The following PTPRA variants were observed in gnomAD, a reference collection of about 807,000 sequenced individuals.
PTPRA encodes the protein receptor-type tyrosine-protein phosphatase alpha.
A neutral mutation model predicts 104.8 loss-of-function variants in PTPRA; 25 were observed. The observed-to-expected ratio is 0.24, with a 90% CI of 0.17 to 0.33. The LOEUF (loss-of-function observed/expected upper bound fraction) is 0.33. Ranked by LOEUF, PTPRA falls within the 10% of genes least tolerant of loss-of-function variation. The pLI is 1.00. For synonymous variants in PTPRA, 323 were observed against 368.9 expected (o/e 0.88, Z 1.43); for missense variants, 765 against 1,015.3 (o/e 0.75, Z 3.35).
rs555195397 is a variant in PTPRA, at chr20:2,966,263, C to A, written c.415+1061C>A. ...ACACTGAGTTTGAATCCCAGCTCTT[C>A]CATAAACCAGCCATGTTTATGGCAT... On this transcript the variant is annotated intron_variant, in intron 5 of 23. Coordinates refer to ENST00000399903, the MANE Select transcript of PTPRA (RefSeq NM_001385305.1). 2.6e-5 allele frequency among the ~76,000 whole-genome samples: 4 copies of A among 152,218 alleles called. No homozygotes were observed. In the East Asian group the frequency reaches 7.7e-4, roughly 29 times the overall value.
Position 3,026,697 on chromosome 20 carries a change from C to T in PTPRA, c.1625C>T (p.Ser542Leu). Residue 542 changes from serine to leucine, a missense_variant, in exon 18 of 24, where the codon TCA (serine) becomes TTA (leucine). By Grantham distance (145) the Ser-to-Leu change is moderately radical. Coordinates refer to ENST00000399903, the MANE Select transcript of PTPRA (RefSeq NM_001385305.1). The part of the protein sequence containing the change: ...GLEEEFKKLT[S>L]IKIQNDKMRT... ...CCCTTCCCAATTCAGAAGTTAACATCAATCAAAATCCAGAATGACAAGATG... is the reference window on the plus strand; with the variant it reads ...CCCTTCCCAATTCAGAAGTTAACATTAATCAAAATCCAGAATGACAAGATG... The T allele has an allele frequency of 6.2e-7, 1 of 1,610,224 alleles. No homozygotes were observed. The highest frequency in any genetic ancestry group is 8.5e-7 in the Non-Finnish European group (1 of 1,176,546).
At chr20:3,032,543 G>A (rs187298716) in intron 20 of PTPRA, among the ~76,000 whole-genome samples, 23 of 152,024 alleles carry the variant, frequency 1.5e-4, no homozygotes, top group South Asian at 8.3e-4. Context: ...CAAGGTGGGC[G>A]GATCACAAAG....
intron 1 of PTPRA, among the ~76,000 whole-genome samples, chr20:2,917,148 G>C (rs2059932421): frequency 6.6e-6 from 1 of 151,546 alleles, no homozygotes; most frequent in African/African-American, 2.4e-5. Flanking sequence ...GTAGAGATGG[G>C]GTTTCAGCAT....
At chr20:3,032,366 A>G (rs2065502466) in intron 20 of PTPRA, among the ~76,000 whole-genome samples, 1 of 152,160 alleles carries the variant, frequency 6.6e-6, no homozygotes, top group Admixed American at 6.6e-5. Context: ...ATCAGCCTAT[A>G]CATGTTACAT....
intron 1 of PTPRA, among the ~76,000 whole-genome samples, chr20:2,890,009 G>C (rs779759675): frequency 2.0e-5 from 3 of 151,528 alleles, no homozygotes; most frequent in Non-Finnish European, 4.4e-5. Context: ...TCAGCCTCCT[G>C]AGTAAGTAGC....
intron 1 of PTPRA, among the ~76,000 whole-genome samples, chr20:2,900,966 G>GT (rs1050278132): frequency 2.0e-4 from 30 of 151,204 alleles, no homozygotes; most frequent in African/African-American, 5.6e-4. Flanking sequence ...GCCTAATTTT[G>GT]TTTTTTTTGT....
In PTPRA at chr20:2,989,321, T is replaced by C. The variant is rs1600219627; in HGVS notation, c.738+847T>C. Reference sequence around the variant, plus strand: ...GGTGGCATGTGCCTGTAGTCCCAGCTACTCAGGAGGCTGAGGCAGGAGAAT... The same window carrying C: ...GGTGGCATGTGCCTGTAGTCCCAGCCACTCAGGAGGCTGAGGCAGGAGAAT... On this transcript the variant is annotated intron_variant, in intron 9 of 23. Coordinates refer to ENST00000399903, the MANE Select transcript of PTPRA (RefSeq NM_001385305.1). Among the ~76,000 whole-genome samples, 6 of 152,028 alleles carry C rather than the reference T, an allele frequency of 3.9e-5. No individual in the cohort carries two copies. The South Asian group carries it at 1.2e-3, about 32-fold the overall frequency.
chr20:2,919,031 A>G (rs1308754039), intron 1 of PTPRA, among the ~76,000 whole-genome samples: 1 of 152,152 alleles, frequency 6.6e-6, no homozygotes, highest in Non-Finnish European at 1.5e-5. Flanking sequence ...ATACTTTAAT[A>G]TATAATACCT....
At chr20:2,975,190 T>A (rs1454528927) in intron 5 of PTPRA, 25 bp from the exon 6 acceptor site, 7 of 1,563,056 alleles carry the variant, frequency 4.5e-6, no homozygotes, top group Non-Finnish European at 6.2e-6. Flanking sequence ...TGAATGAATG[T>A]TTCTATTTTT....
rs2062382108 is a variant in PTPRA at position 2,975,243 on chromosome 20, T to G, written c.442+2T>G. 2.5e-6 allele frequency: 4 copies of G among 1,595,028 alleles called. No homozygotes were observed. The highest frequency in any genetic ancestry group is 1.1e-5 in the South Asian group (1 of 89,812). On this transcript the variant is annotated splice_donor_variant, in intron 6 of 23. Coordinates refer to ENST00000399903, the MANE Select transcript of PTPRA (RefSeq NM_001385305.1). LOFTEE classifies it high-confidence loss of function. ...ATTCTGACTCGAAGGACAGAAGAGG[T>G]GAGCTGCTCACCTTATATCTGTTGT...
chr20:2,981,037 A>G (rs1222027118), intron 6 of PTPRA, among the ~76,000 whole-genome samples: 2 of 152,078 alleles, frequency 1.3e-5, no homozygotes, highest in Non-Finnish European at 2.9e-5. Flanking sequence ...CTTGGGCACT[A>G]CTATGGTTTT....
intron 3 of PTPRA, among the ~76,000 whole-genome samples, chr20:2,960,477 C>T (rs957262423): frequency 6.6e-6 from 1 of 152,060 alleles, no homozygotes; most frequent in African/African-American, 2.4e-5. Flanking sequence ...TCTCGATCTC[C>T]TGACCTCGTG....
chr20:2,931,872 A>G (rs2060519180), intron 2 of PTPRA, among the ~76,000 whole-genome samples: 1 of 152,126 alleles, frequency 6.6e-6, no homozygotes, highest in African/African-American at 2.4e-5. Flanking sequence ...GCATGCACCA[A>G]TGGCCCTGGC....
intron 2 of PTPRA, among the ~76,000 whole-genome samples, chr20:2,926,652 C>G (rs2060305399): frequency 6.6e-6 from 1 of 151,466 alleles, no homozygotes; most frequent in African/African-American, 2.4e-5. Context: ...AAAAACAAAA[C>G]AAAACAAACC....
intron 4 of PTPRA, among the ~76,000 whole-genome samples, 155 bp from the exon 5 acceptor site, chr20:2,964,706 G>A (rs1374455547): frequency 6.6e-6 from 1 of 152,138 alleles, no homozygotes; most frequent in East Asian, 1.9e-4. Flanking sequence ...TCCAGCATGA[G>A]ATAAAAACGT....
At chr20:2,954,974 CT>C (rs1327372649) in intron 3 of PTPRA, among the ~76,000 whole-genome samples, 1 of 152,146 alleles carries the variant, frequency 6.6e-6, no homozygotes, top group East Asian at 1.9e-4. Flanking sequence ...GCTTTTGCAA[CT>C]TTTATTTGGG....
intron 11 of PTPRA, among the ~76,000 whole-genome samples, chr20:3,009,025 T>C (rs894141104): frequency 1.3e-5 from 2 of 152,142 alleles, no homozygotes; most frequent in Non-Finnish European, 2.9e-5. Context: ...GGGCTGTTTC[T>C]TCCTCTGAGA....
intron 3 of PTPRA, among the ~76,000 whole-genome samples, chr20:2,948,901 G>A (rs866141524): frequency 1.8e-4 from 28 of 151,900 alleles, no homozygotes; most frequent in Non-Finnish European, 2.9e-4. Flanking sequence ...GCAGTGAGCC[G>A]AGATTGCACC....
At chr20:3,019,855 T>C (rs6051531) in intron 13 of PTPRA, among the ~76,000 whole-genome samples, 90,973 of 150,638 alleles carry the variant, frequency 0.6, 28,833 homozygotes, top group East Asian at 0.8. Context: ...GCAGATCACT[T>C]GCGGTTAGGA....
Sources: gnomAD v4.1 joint callset for allele counts (sites outside exome capture counted in the v4.1 genomes callset) on GRCh38, gnomAD v4.1.1 for gene constraint, MANE v1.5 for transcripts, NCBI Gene and HGNC (gene_info 2026-07-23, HGNC 2026-07-21) for gene names.